DPP10: variants seen among roughly 807,000 people sequenced by gnomAD.
The protein encoded by DPP10 is inactive dipeptidyl peptidase 10.
A neutral mutation model predicts 120.9 loss-of-function variants in DPP10; 33 were observed. The ratio of observed to expected loss-of-function variants is 0.27; its 90% CI spans 0.21 to 0.37. The LOEUF (loss-of-function observed/expected upper bound fraction) is 0.37. Among genes scored for constraint, DPP10 ranks in the 10% least tolerant of loss-of-function variants. The pLI is 1.00. For synonymous variants in DPP10, 337 were observed against 326.1 expected (o/e 1.03, Z -0.36); for missense variants, 816 against 942.8 (o/e 0.87, Z 1.76).
chr2:114,521,712 G>T (rs932359011), intron 1 of DPP10, among the ~76,000 whole-genome samples: 1 of 149,282 alleles, frequency 6.7e-6, no homozygotes, highest in Non-Finnish European at 1.5e-5. Context: ...CATCCAAGCA[G>T]AAAAATCAAG....
chr2:114,998,014 C>G (rs978271413), intron 1 of DPP10, among the ~76,000 whole-genome samples: 4 of 152,150 alleles, frequency 2.6e-5, no homozygotes, highest in African/African-American at 9.7e-5. Flanking sequence ...GTTCCACTGT[C>G]TCCACAAACC....
intron 1 of DPP10, among the ~76,000 whole-genome samples, chr2:115,159,990 C>T (rs1048534861): frequency 6.6e-6 from 1 of 152,142 alleles, no homozygotes; most frequent in African/African-American, 2.4e-5. Flanking sequence ...GATGAATATA[C>T]TCAAATAATC....
chr2:115,676,762 A>G (rs1035243305), intron 5 of DPP10, among the ~76,000 whole-genome samples: 2 of 152,224 alleles, frequency 1.3e-5, no homozygotes, highest in African/African-American at 2.4e-5. Flanking sequence ...GAAGAAAAAC[A>G]TAGAAAACCT....
intron 1 of DPP10, among the ~76,000 whole-genome samples, chr2:114,620,080 A>G (rs1201149442): frequency 6.6e-6 from 1 of 151,952 alleles, no homozygotes; most frequent in Non-Finnish European, 1.5e-5. Context: ...GTTAAATTTA[A>G]TTGTTGACAT....
intron 1 of DPP10, among the ~76,000 whole-genome samples, chr2:114,971,999 T>C (rs2104793384): frequency 6.6e-6 from 1 of 152,272 alleles, no homozygotes; most frequent in Admixed American, 6.5e-5. Flanking sequence ...GTAGCACAAT[T>C]TAGAAACAAG....
chr2:115,791,911 A>C (rs1374584328), intron 19 of DPP10, among the ~76,000 whole-genome samples: 1 of 152,088 alleles, frequency 6.6e-6, no homozygotes, highest in Non-Finnish European at 1.5e-5. Context: ...TGCGTAACTA[A>C]CTTGATATTG....
At chr2:115,511,724 TC>T (rs1558778514) in intron 4 of DPP10, among the ~76,000 whole-genome samples, 1,463 of 126,980 alleles carry the variant, frequency 0.012, 35 homozygotes, top group African/African-American at 0.044. Context: ...TTCTTCTTCT[TC>T]TTCTTCTTTT....
chr2:114,821,219 C>A (rs187491636), intron 1 of DPP10, among the ~76,000 whole-genome samples: 121 of 152,294 alleles, frequency 7.9e-4, no homozygotes, highest in African/African-American at 2.7e-3. Flanking sequence ...CCCTCCCACC[C>A]TAGCCTGTTG....
intron 3 of DPP10, among the ~76,000 whole-genome samples, chr2:115,355,825 T>A (rs2064344115): frequency 6.6e-6 from 1 of 152,200 alleles, no homozygotes; most frequent in Non-Finnish European, 1.5e-5. Context: ...CCTTTCCCCA[T>A]TGCTTATTTT....
At chr2:115,027,532 G>A (rs184476917) in intron 1 of DPP10, among the ~76,000 whole-genome samples, 6 of 152,174 alleles carry the variant, frequency 3.9e-5, no homozygotes, top group South Asian at 2.1e-4. Flanking sequence ...AATTCAGTTT[G>A]CTATTATTTC....
chr2:115,235,604 C>A (rs917389638), intron 1 of DPP10, among the ~76,000 whole-genome samples: 5 of 151,944 alleles, frequency 3.3e-5, no homozygotes, highest in Non-Finnish European at 2.9e-5. Flanking sequence ...CTCTGTTGAC[C>A]AGGCTGGAGT....
At chr2:115,201,648 A>AGT (rs2055732168) in intron 1 of DPP10, among the ~76,000 whole-genome samples, 1 of 152,192 alleles carries the variant, frequency 6.6e-6, no homozygotes, top group Admixed American at 6.5e-5. Flanking sequence ...TTCTTTGTCA[A>AGT]GTACACTATT....
Position 115,053,630 on chromosome 2 carries a change from T to A in DPP10, c.61-255609T>A, listed in dbSNP as rs547413870. ...AAATGGTAAATTTTATCCCTGTTTT[T>A]AAACATTTACAAAAAAATTTCCAAT... On this transcript the variant is annotated intron_variant, in intron 1 of 25. Coordinates refer to ENST00000410059, the MANE Select transcript of DPP10 (RefSeq NM_020868.6). 7.9e-5 allele frequency among the ~76,000 whole-genome samples: 12 copies of A among 152,346 alleles called. 1 individual carries two copies. In the South Asian group the frequency reaches 2.5e-3, roughly 32 times the overall value.
intron 1 of DPP10, among the ~76,000 whole-genome samples, chr2:114,531,579 T>C (rs1233973935): frequency 1.3e-5 from 2 of 148,904 alleles, no homozygotes; most frequent in Non-Finnish European, 1.5e-5. Flanking sequence ...TATATATTTA[T>C]ATGTTACAGA....
chr2:114,827,073 G>A (rs1190569453), intron 1 of DPP10, among the ~76,000 whole-genome samples: 2 of 151,916 alleles, frequency 1.3e-5, no homozygotes, highest in South Asian at 2.1e-4. Context: ...GCTTGTTTGG[G>A]GGTCAGGAGG....
At chr2:115,220,778 G>A (rs2057107887) in intron 1 of DPP10, among the ~76,000 whole-genome samples, 1 of 152,086 alleles carries the variant, frequency 6.6e-6, no homozygotes, top group Admixed American at 6.6e-5. Context: ...AAGTTCAAAA[G>A]GGAAATACAA....
intron 1 of DPP10, among the ~76,000 whole-genome samples, chr2:115,235,585 C>T (rs1030995113): frequency 1.1e-4 from 16 of 151,702 alleles, no homozygotes; most frequent in African/African-American, 3.6e-4. Flanking sequence ...GTGTGGAGAC[C>T]GAGTCTCACT....
intron 3 of DPP10, among the ~76,000 whole-genome samples, chr2:115,350,293 G>A (rs1050656915): frequency 9.2e-5 from 14 of 152,100 alleles, no homozygotes; most frequent in African/African-American, 3.4e-4. Flanking sequence ...ATACACACAA[G>A]TATATGCAAA....
intron 2 of DPP10, among the ~76,000 whole-genome samples, chr2:115,341,363 C>G (rs1254771607): frequency 6.6e-6 from 1 of 152,050 alleles, no homozygotes; most frequent in African/African-American, 2.4e-5. Flanking sequence ...CCCTGACCCC[C>G]CTGTGCCTGA....
Sources: allele counts gnomAD v4.1 joint callset (sites outside exome capture counted in the v4.1 genomes callset), GRCh38; gene constraint gnomAD v4.1.1; transcripts MANE v1.5; gene names NCBI Gene and HGNC (gene_info 2026-07-23, HGNC 2026-07-21).